The following RELL1 variants were observed in gnomAD, a reference collection of about 807,000 sequenced individuals.
RELL1 encodes the protein RELT-like protein 1.
A neutral mutation model predicts 23.0 loss-of-function variants in RELL1; 10 were observed. The ratio of observed to expected loss-of-function variants is 0.43; its 90% CI spans 0.27 to 0.74. The LOEUF (loss-of-function observed/expected upper bound fraction) is 0.74, where lower values mean the gene tolerates loss of function less well. Among genes scored for constraint, RELL1 ranks in the 30% least tolerant of loss-of-function variants. The probability of loss-of-function intolerance (pLI) is 0.19; values close to 1 mark genes in which losing one functional copy is unlikely to be tolerated. For synonymous variants in RELL1, 146 were observed against 146.8 expected, an observed-to-expected ratio of 0.99 and a Z score of 0.04; for missense variants, 315 against 364.4, an observed-to-expected ratio of 0.86 and a Z score of 1.10.
intron 1 of RELL1, among the ~76,000 whole-genome samples, chr4:37,682,438 A>G (rs1016390525): frequency 1.3e-5 from 2 of 152,222 alleles, no homozygotes; most frequent in African/African-American, 4.8e-5. Context: ...TATTGTTTCA[A>G]TAAGTCATTA....
intron 1 of RELL1, among the ~76,000 whole-genome samples, chr4:37,684,715 G>A (rs1247961077): frequency 1.3e-5 from 2 of 152,184 alleles, no homozygotes; most frequent in Admixed American, 1.3e-4. Context: ...CACTTTGGGA[G>A]GCCGAGGCAG....
intron 1 of RELL1, among the ~76,000 whole-genome samples, chr4:37,668,317 C>G (rs1721614611): frequency 6.6e-6 from 1 of 152,024 alleles, no homozygotes; most frequent in Non-Finnish European, 1.5e-5. Flanking sequence ...ACCTCCCTGC[C>G]TGATTCTCCT....
At chr4:37,588,746 C>T, downstream of RELL1, 3 of 839,796 alleles carry the variant, frequency 3.6e-6, no homozygotes, top group Non-Finnish European at 6.0e-6. Context: ...GTGTGACTCT[C>T]TTAATACATT....
chr4:37,609,967 G>T (rs185081322), downstream of RELL1, among the ~76,000 whole-genome samples: 19 of 152,312 alleles, frequency 1.2e-4, no homozygotes, highest in East Asian at 3.7e-3. Context: ...TGATAAAGCA[G>T]CATCAGATTT....
At chr4:37,658,470 A>T (rs1721206639) in intron 1 of RELL1, among the ~76,000 whole-genome samples, 1 of 152,240 alleles carries the variant, frequency 6.6e-6, no homozygotes, top group Admixed American at 6.5e-5. Flanking sequence ...GAATCTTCAC[A>T]GTAAACCTAT....
downstream of RELL1, among the ~76,000 whole-genome samples, chr4:37,587,573 G>A (rs1321816340): frequency 1.3e-5 from 2 of 152,184 alleles, no homozygotes; most frequent in Non-Finnish European, 2.9e-5. Context: ...GACAACATGG[G>A]AGACAGAGAC....
intron 6 of RELL1, among the ~76,000 whole-genome samples, chr4:37,629,278 G>A (rs1720048168): frequency 6.6e-6 from 1 of 152,168 alleles, no homozygotes; most frequent in African/African-American, 2.4e-5. Context: ...TCTCTTCCCA[G>A]ATAGCCAAGT....
At chr4:37,620,949 A>AGAT (rs1719741449) in intron 6 of RELL1, among the ~76,000 whole-genome samples, 1 of 152,212 alleles carries the variant, frequency 6.6e-6, no homozygotes, top group African/African-American at 2.4e-5. Flanking sequence ...CCCACTTAAC[A>AGAT]GATGGAGAAG....
chr4:37,589,094 C>G (rs1187238251), downstream of RELL1, among the ~76,000 whole-genome samples: 2 of 152,110 alleles, frequency 1.3e-5, no homozygotes, highest in African/African-American at 4.8e-5. Flanking sequence ...ACTTTTTTTG[C>G]TCACTTCTCA....
rs765761675 is a variant in RELL1 at position 37,686,329 on chromosome 4, C to A, written c.-42G>T. Reference sequence around the variant, plus strand: ...CCTCCTCCCCCAGGGCGCCGCGTCCCGCGCTCGGGAAGGCAGAGCCGCTCC... The same window carrying A: ...CCTCCTCCCCCAGGGCGCCGCGTCCAGCGCTCGGGAAGGCAGAGCCGCTCC... On this transcript the variant is annotated 5_prime_UTR_variant, in exon 1 of 7. Transcript: ENST00000454158. 3 of 1,439,268 alleles carry A rather than the reference C, an allele frequency of 2.1e-6. No homozygotes were observed. Among genetic ancestry groups the A allele is most frequent in the Admixed American group, 2.4e-5 (1 of 41,244 alleles). The allele number at this position is 1,439,268 out of a possible 1,614,324, so 89.2% of individuals were successfully genotyped here.
At chr4:37,603,980 G>A (rs904085051) in intron 6 of RELL1, among the ~76,000 whole-genome samples, 5 of 152,090 alleles carry the variant, frequency 3.3e-5, no homozygotes, top group African/African-American at 9.7e-5. Context: ...CATCATGCTC[G>A]GCTACTTTCT....
At chr4:37,648,552 T>C in intron 2 of RELL1, among the ~76,000 whole-genome samples, 1 of 152,198 alleles carries the variant, frequency 6.6e-6, no homozygotes. Context: ...CTAAAGATGA[T>C]GGGAAAGAAA....
chr4:37,679,377 C>G (rs1214365434), intron 1 of RELL1, among the ~76,000 whole-genome samples: 1 of 152,154 alleles, frequency 6.6e-6, no homozygotes, highest in Non-Finnish European at 1.5e-5. Flanking sequence ...TGAAGTGTCA[C>G]TCATTTGAGG....
intron 6 of RELL1, among the ~76,000 whole-genome samples, chr4:37,619,000 A>G (rs948516027): frequency 6.9e-6 from 1 of 144,660 alleles, no homozygotes; most frequent in Non-Finnish European, 1.5e-5. Context: ...CTGCCTCAGC[A>G]TCCCGAGTAG....
chr4:37,683,666 G>A (rs1016549073), intron 1 of RELL1, among the ~76,000 whole-genome samples: 4 of 152,042 alleles, frequency 2.6e-5, no homozygotes, highest in Non-Finnish European at 5.9e-5. Flanking sequence ...GCTGAGGCAG[G>A]AGAATTGCTT....
In RELL1 at chr4:37,644,775, T is replaced by G. The variant is rs889087076; in HGVS notation, c.385+2593A>C. On this transcript the variant is annotated intron_variant, in intron 3 of 6. Coordinates refer to ENST00000454158, the MANE Select transcript of RELL1 (RefSeq NM_001085400.2). ...ACGCCCGGCCGCTACTTTGAAGAAT[T>G]TATTGAGTTAATGCTTAAGGATTTC... Among the ~76,000 whole-genome samples the G allele has an allele frequency of 3.9e-5, 6 of 152,174 alleles. No homozygotes were observed. The East Asian group carries it at 1.2e-3, about 29-fold the overall frequency.
chr4:37,647,319 A>C, intron 3 of RELL1, 49 bp downstream of exon 3: 1 of 1,358,734 alleles, frequency 7.4e-7, no homozygotes. Flanking sequence ...CAGGTTTTTA[A>C]TAAAGGATAG....
rs1025994951 is a variant in RELL1 at position 37,612,324 on chromosome 4, AAAAAAAAAAAAAAAC to A, written c.*1007_*1021del. On this transcript the variant is annotated 3_prime_UTR_variant, in exon 7 of 7. Transcript: ENST00000454158. ...CCAAGAATCGCTCAGCTAAAGGTTA[AAAAAAAAAAAAAAAC>A]AAAAAAAAACAAAAAACCGGGTGCA... Among the ~76,000 whole-genome samples, 26 of 21,682 alleles carry A rather than the reference AAAAAAAAAAAAAAAC, an allele frequency of 1.2e-3. 1 individual carries two copies. The highest frequency in any genetic ancestry group is 8.5e-3 in the East Asian group (20 of 2,352). The allele number at this position is 21,682 out of a possible 152,430, so 14.2% of individuals were successfully genotyped here.
intron 6 of RELL1, among the ~76,000 whole-genome samples, chr4:37,627,035 CA>C (rs1456746009): frequency 6.6e-6 from 1 of 152,004 alleles, no homozygotes; most frequent in Admixed American, 6.6e-5. Flanking sequence ...TCTCACCACG[CA>C]AAAAAATTAT....
Sources: gnomAD v4.1 joint callset for allele counts (sites outside exome capture counted in the v4.1 genomes callset) on GRCh38, gnomAD v4.1.1 for gene constraint, MANE v1.5 for transcripts, NCBI Gene and HGNC (gene_info 2026-07-23, HGNC 2026-07-21) for gene names.